YARS1: variants seen among roughly 807,000 people sequenced by gnomAD.
The protein encoded by YARS1 is tyrosyl-tRNA synthetase 1.
Under a neutral mutation model 62.2 loss-of-function variants are expected in YARS1, and 36 were observed. The observed-to-expected ratio is 0.58, with a 90% confidence interval of 0.44 to 0.76. The LOEUF (loss-of-function observed/expected upper bound fraction) is 0.76. Among genes scored for constraint, YARS1 ranks in the 30% least tolerant of loss-of-function variants. The pLI, the probability that YARS1 is intolerant of heterozygous loss-of-function variation, is 0.00. For missense variants in YARS1, 524 were observed against 639.8 expected (o/e 0.82, Z 1.95); for synonymous variants, 234 against 244.9 (o/e 0.96, Z 0.42).
intron 5 of YARS1, among the ~76,000 whole-genome samples, chr1:32,795,302 G>C (rs1257212766): frequency 1.3e-5 from 2 of 151,898 alleles, no homozygotes; most frequent in Non-Finnish European, 2.9e-5. Context: ...CTGGGCGACA[G>C]AGCAAGACTC....
rs997604940 is a variant in YARS1, at chr1:32,780,059, G to A, written c.1334+26C>T. ...ACTCTTCCTGGCCTCCCCAGGTCCT[G>A]TGCCCCACTCCAAGTCCTCACTCAC... On this transcript the variant is annotated intron_variant, in intron 11 of 12. Coordinates refer to ENST00000373477, the MANE Select transcript of YARS1 (RefSeq NM_003680.4). 9 of 1,613,562 alleles carry A rather than the reference G, an allele frequency of 5.6e-6. No individual in the cohort carries two copies. In the Admixed American group the frequency reaches 6.7e-5, roughly 12 times the overall value.
intron 6 of YARS1, among the ~76,000 whole-genome samples, chr1:32,787,734 C>T (rs922967668): frequency 2.2e-4 from 33 of 151,776 alleles, no homozygotes; most frequent in African/African-American, 7.0e-4. Flanking sequence ...AGGATGGTCT[C>T]GATCTCCTGA....
chr1:32,814,095 C>T (rs900684859), intron 1 of YARS1, among the ~76,000 whole-genome samples: 3 of 152,162 alleles, frequency 2.0e-5, no homozygotes, highest in South Asian at 2.1e-4. Context: ...TACACAGAAC[C>T]GTGTTCTTGT....
chr1:32,779,285 C>T (rs1652978365), intron 12 of YARS1, 97 bp downstream of exon 12: 1 of 1,601,226 alleles, frequency 6.2e-7, no homozygotes, highest in Non-Finnish European at 8.6e-7. Context: ...GCAGGAAGTC[C>T]CAACAGAGAG....
intron 9 of YARS1, chr1:32,781,421 G>T (rs182136919): frequency 7.2e-4 from 320 of 447,050 alleles, no homozygotes; most frequent in African/African-American, 5.4e-3. Context: ...ATTCCACATA[G>T]AATTTACTGA....
At chr1:32,806,853 A>G (rs1638477014) in intron 3 of YARS1, among the ~76,000 whole-genome samples, 1 of 152,168 alleles carries the variant, frequency 6.6e-6, no homozygotes, top group Non-Finnish European at 1.5e-5. Context: ...AAAACTACCT[A>G]TTGGGTATTG....
chr1:32,801,607 C>A (rs964087154), intron 4 of YARS1, among the ~76,000 whole-genome samples: 27 of 152,160 alleles, frequency 1.8e-4, no homozygotes, highest in Non-Finnish European at 2.4e-4. Flanking sequence ...AAGTTTGCCA[C>A]ATCAATTGAC....
At chr1:32,805,833 G>A (rs1041811634) in intron 4 of YARS1, among the ~76,000 whole-genome samples, 5 of 152,128 alleles carry the variant, frequency 3.3e-5, no homozygotes, top group African/African-American at 1.2e-4. Flanking sequence ...CATGGTGGCA[G>A]GCGCCTGTAA....
intron 3 of YARS1, among the ~76,000 whole-genome samples, chr1:32,808,311 G>A (rs1012398289): frequency 1.3e-5 from 2 of 150,790 alleles, no homozygotes; most frequent in African/African-American, 2.4e-5. Flanking sequence ...CCTCTGCCCC[G>A]TGGGTTCAAG....
At chr1:32,780,929 C>T in intron 10 of YARS1, 119 bp downstream of exon 10, 1 of 912,718 alleles carries the variant, frequency 1.1e-6, no homozygotes, top group South Asian at 1.3e-5. Context: ...CACCTGCACT[C>T]TGACTTGCAA....
chr1:32,786,800 C>T, intron 7 of YARS1, 140 bp downstream of exon 7: 2 of 1,170,708 alleles, frequency 1.7e-6, no homozygotes, highest in Admixed American at 4.6e-5. Flanking sequence ...ATCATTCATA[C>T]TTTAATATAT....
In YARS1 at chr1:32,780,244, ATCT is replaced by A; in HGVS notation, c.1172_1174del (p.Lys391del). ...CCGTGGTTCAGCTTCCCCCACGTCA[ATCT>A]TCTCTACATACAGGCTGTCTGCATC... is the stretch of plus-strand genomic sequence containing the variant. On this transcript the variant is annotated inframe_deletion, in exon 11 of 13. Transcript: ENST00000373477. The A allele has an allele frequency of 6.2e-7, 1 of 1,614,100 alleles. No homozygotes were observed. Among genetic ancestry groups the A allele is most frequent in the Non-Finnish European group, 8.5e-7 (1 of 1,180,028 alleles).
intron 1 of YARS1, among the ~76,000 whole-genome samples, chr1:32,813,095 C>A (rs75499764): frequency 0.018 from 2,714 of 152,156 alleles, 31 homozygotes; most frequent in Middle Eastern, 0.034. Context: ...TTGAATCCAC[C>A]TAGAACCTAG....
At chr1:32,780,927 C>G in intron 10 of YARS1, 121 bp downstream of exon 10, 1 of 897,076 alleles carries the variant, frequency 1.1e-6, no homozygotes, top group Non-Finnish European at 1.8e-6. Context: ...GACACCTGCA[C>G]TCTGACTTGC....
intron 9 of YARS1, chr1:32,781,802 T>C (rs1653066530): frequency 6.2e-6 from 1 of 162,298 alleles, no homozygotes; most frequent in Non-Finnish European, 1.3e-5. Flanking sequence ...ATAGGTCTAA[T>C]CTAATTTCTA....
chr1:32,795,424 T>C (rs1284718400), intron 5 of YARS1, among the ~76,000 whole-genome samples: 4 of 152,158 alleles, frequency 2.6e-5, no homozygotes, highest in Non-Finnish European at 5.9e-5. Context: ...GGTAAAAATA[T>C]CTAACTTAAA....
In YARS1 at chr1:32,806,596, A is replaced by G. The variant is rs1638471838; in HGVS notation, c.396T>C (p.Asp132=). Residue 132 remains aspartate (D), a synonymous_variant, in exon 4 of 13, where the codon GAT becomes GAC. Coordinates refer to ENST00000373477, the MANE Select transcript of YARS1 (RefSeq NM_003680.4). ...TGACCACGGAGGAGAGTCTGTACAC[A>G]TCTAGTGTGTACTCTCTGAAGAGGA... ...DYQLSKEYTL[D]VYRLSSVVTQ... 1.3e-5 allele frequency: 21 copies of G among 1,613,892 alleles called. No homozygotes were observed. The highest frequency in any genetic ancestry group is 1.8e-5 in the Non-Finnish European group (21 of 1,179,960).
intron 1 of YARS1, among the ~76,000 whole-genome samples, chr1:32,813,961 T>A (rs1288787046): frequency 6.6e-6 from 1 of 152,194 alleles, no homozygotes; most frequent in Non-Finnish European, 1.5e-5. Flanking sequence ...AGTCATTAAA[T>A]ATTAGCAATC....
chr1:32,807,597 A>C (rs1278250515), intron 3 of YARS1, among the ~76,000 whole-genome samples: 1 of 152,006 alleles, frequency 6.6e-6, no homozygotes. Flanking sequence ...AACTAGGACT[A>C]TAGGCATGTG....
Sources: allele counts gnomAD v4.1 joint callset (sites outside exome capture counted in the v4.1 genomes callset), GRCh38; gene constraint gnomAD v4.1.1; transcripts MANE v1.5; gene names NCBI Gene and HGNC (gene_info 2026-07-23, HGNC 2026-07-21).